Variants in EML1 observed in about 807,000 individuals in gnomAD.
EML1 encodes echinoderm microtubule-associated protein-like 1.
EML1 carries 27 observed loss-of-function variants against 110.4 expected under a neutral mutation model. The ratio of observed to expected loss-of-function variants is 0.24; its 90% CI spans 0.18 to 0.34. The LOEUF is 0.34. Among genes scored for constraint, EML1 ranks in the 10% least tolerant of loss-of-function variants. EML1 has a pLI of 1.00. For missense variants in EML1, 741 were observed against 1,030.9 expected (o/e 0.72, Z 3.85); for synonymous variants, 344 against 385.8 (o/e 0.89, Z 1.27).
chr14:99,916,201 CTGGCCT>C (rs1178901776), intron 15 of EML1, among the ~76,000 whole-genome samples: 1 of 152,232 alleles, frequency 6.6e-6, no homozygotes, highest in Non-Finnish European at 1.5e-5. Flanking sequence ...CCTCTGCCTA[CTGGCCT>C]TGTGACCTTG....
intron 1 of EML1, among the ~76,000 whole-genome samples, chr14:99,806,138 A>T (rs2057969077): frequency 6.6e-6 from 1 of 152,112 alleles, no homozygotes; most frequent in African/African-American, 2.4e-5. Flanking sequence ...AAGTTACAGA[A>T]TCCTAAACTG....
intron 1 of EML1, among the ~76,000 whole-genome samples, chr14:99,841,439 C>T (rs962857644): frequency 6.6e-6 from 1 of 152,140 alleles, no homozygotes; most frequent in African/African-American, 2.4e-5. Flanking sequence ...ACAGGAACGT[C>T]AGAAGGCAGG....
chr14:99,903,725 T>C (rs1349170762), intron 9 of EML1, among the ~76,000 whole-genome samples: 2 of 152,140 alleles, frequency 1.3e-5, no homozygotes, highest in African/African-American at 4.8e-5. Flanking sequence ...ATTTCACCTT[T>C]ACATTAGTGT....
intron 1 of EML1, among the ~76,000 whole-genome samples, chr14:99,796,730 A>C (rs2057782430): frequency 6.6e-6 from 1 of 151,954 alleles, no homozygotes; most frequent in African/African-American, 2.4e-5. Flanking sequence ...TATCCTTTAT[A>C]AGACAATTTA....
intron 3 of EML1, among the ~76,000 whole-genome samples, chr14:99,869,936 A>G (rs61686146): frequency 0.089 from 13,496 of 152,244 alleles, 2,049 homozygotes; most frequent in African/African-American, 0.31. Context: ...TGCCGGTGCC[A>G]TGCTTCCTGG....
intron 1 of EML1, among the ~76,000 whole-genome samples, chr14:99,774,813 G>T (rs1230311963): frequency 6.6e-6 from 1 of 152,148 alleles, no homozygotes; most frequent in African/African-American, 2.4e-5. Context: ...AGAAGGAGGG[G>T]GTGGCTTGCC....
intron 1 of EML1, among the ~76,000 whole-genome samples, chr14:99,812,646 GGGGA>G (rs2058101653): frequency 1.4e-5 from 2 of 147,888 alleles, no homozygotes; most frequent in Admixed American, 1.3e-4. Context: ...TCAGGATTTA[GGGGA>G]GGTTGGAAGC....
intron 1 of EML1, among the ~76,000 whole-genome samples, chr14:99,741,801 G>A (rs1157721147): frequency 2.6e-5 from 4 of 152,166 alleles, no homozygotes; most frequent in Admixed American, 6.5e-5. Flanking sequence ...GAGGTGGGGG[G>A]GCCTGGCGTG....
At chr14:99,738,804 GGGCATCCCA>G (rs1352526757) in intron 1 of EML1, among the ~76,000 whole-genome samples, 2 of 152,192 alleles carry the variant, frequency 1.3e-5, no homozygotes. Flanking sequence ...GGCAGCAGAT[GGGCATCCCA>G]GGCAGCCCAG....
chr14:99,930,306 C>T (rs954653901), intron 17 of EML1, among the ~76,000 whole-genome samples: 14 of 152,222 alleles, frequency 9.2e-5, no homozygotes, highest in Admixed American at 5.9e-4. Flanking sequence ...AGTTGTTGGT[C>T]TATACCTCAC....
intron 3 of EML1, among the ~76,000 whole-genome samples, chr14:99,870,156 G>A (rs980596156): frequency 4.6e-5 from 7 of 152,192 alleles, no homozygotes; most frequent in Non-Finnish European, 8.8e-5. Flanking sequence ...AAAATAAAAA[G>A]CAACATCCTT....
intron 1 of EML1, among the ~76,000 whole-genome samples, chr14:99,803,407 C>T (rs1002171258): frequency 1.3e-5 from 2 of 152,218 alleles, no homozygotes; most frequent in African/African-American, 4.8e-5. Flanking sequence ...CACACATGCA[C>T]ACATGTGACA....
chr14:99,869,422 C>G (rs1389024431), intron 3 of EML1, among the ~76,000 whole-genome samples: 1 of 152,156 alleles, frequency 6.6e-6, no homozygotes, highest in Non-Finnish European at 1.5e-5. Context: ...CCTGACTCCT[C>G]TGCCCATTGT....
intron 1 of EML1, among the ~76,000 whole-genome samples, chr14:99,750,420 A>G (rs1424606475): frequency 1.3e-5 from 2 of 152,180 alleles, no homozygotes; most frequent in Non-Finnish European, 2.9e-5. Context: ...CTGGGGCCAC[A>G]GTAGAAAGTC....
chr14:99,772,193 G>T (rs1160694812), upstream of EML1, among the ~76,000 whole-genome samples: 1 of 152,184 alleles, frequency 6.6e-6, no homozygotes, highest in Non-Finnish European at 1.5e-5. Flanking sequence ...TAACTTGTTA[G>T]ACTCACACCT....
At chr14:99,879,855 G>T (rs114768229) in intron 4 of EML1, among the ~76,000 whole-genome samples, 1,647 of 152,300 alleles carry the variant, frequency 0.011, 33 homozygotes, top group African/African-American at 0.038. Context: ...CTTGGAAGTT[G>T]ACCTGAAATG....
intron 1 of EML1, among the ~76,000 whole-genome samples, chr14:99,756,388 C>T (rs778007188): frequency 9.9e-5 from 15 of 152,194 alleles, no homozygotes; most frequent in Non-Finnish European, 1.9e-4. Flanking sequence ...AAGGCCACTC[C>T]GGCCTATTGC....
At chr14:99,914,364 A>G (rs2059998125) in intron 14 of EML1, 60 bp downstream of exon 14, 2 of 1,579,394 alleles carry the variant, frequency 1.3e-6, no homozygotes, top group Non-Finnish European at 1.7e-6. Flanking sequence ...TCAGACCCTA[A>G]TCAAGCATTA....
At chr14:99,739,152 G>C (rs971503759) in intron 1 of EML1, among the ~76,000 whole-genome samples, 1 of 123,952 alleles carries the variant, frequency 8.1e-6, no homozygotes, top group Admixed American at 8.1e-5. Flanking sequence ...GTGTGTGTGT[G>C]TGTTGGGGAG....
Sources: gnomAD v4.1 joint callset for allele counts (sites outside exome capture counted in the v4.1 genomes callset) on GRCh38, gnomAD v4.1.1 for gene constraint, MANE v1.5 for transcripts, NCBI Gene and HGNC (gene_info 2026-07-23, HGNC 2026-07-21) for gene names.